The following GPD1 variants were observed in gnomAD, a reference collection of about 807,000 sequenced individuals.
GPD1 encodes the protein glycerol-3-phosphate dehydrogenase 1.
Under a neutral mutation model 34.4 loss-of-function variants are expected in GPD1, and 19 were observed. The ratio of observed to expected loss-of-function variants is 0.55; its 90% confidence interval spans 0.39 to 0.81. GPD1 has a LOEUF of 0.81. Ranked by LOEUF, GPD1 falls within the 30% of genes least tolerant of loss-of-function variation. The pLI is 0.00. For synonymous variants in GPD1, 172 were observed against 174.1 expected (o/e 0.99, Z 0.09); for missense variants, 429 against 447.0 (o/e 0.96, Z 0.36).
At chr12:50,105,813 G>T in intron 3 of GPD1, 125 bp downstream of exon 3, 1 of 988,584 alleles carries the variant, frequency 1.0e-6, no homozygotes. Context: ...AGAAAAGAGA[G>T]GCAGTTGGCT....
At chr12:50,108,495 C>T (rs959329999) in intron 7 of GPD1, among the ~76,000 whole-genome samples, 1 of 152,140 alleles carries the variant, frequency 6.6e-6, no homozygotes, top group Non-Finnish European at 1.5e-5. Context: ...CCCATCTGTT[C>T]CCTGAATCCT....
chr12:50,105,664 C>T lies in GPD1; in HGVS notation c.336C>T (p.Asn112=), dbSNP rs760176358. The T allele has an allele frequency of 4.2e-5, 67 of 1,614,036 alleles. No homozygotes were observed. Among genetic ancestry groups the T allele is most frequent in the South Asian group, 1.9e-4 (17 of 91,084 alleles). ...AGCTCAAGGGCCATCTGAAGGCAAACGCCACTGGCATATCTCTTATTAAGG... is the reference window on the plus strand; with the variant it reads ...AGCTCAAGGGCCATCTGAAGGCAAATGCCACTGGCATATCTCTTATTAAGG... ...CDQLKGHLKA[N]ATGISLIKGV... is the part of the protein sequence containing the mutation. Residue 112 remains asparagine (N), a synonymous_variant, in exon 3 of 8, where the codon AAC becomes AAT. Transcript: ENST00000301149.
intron 7 of GPD1, among the ~76,000 whole-genome samples, chr12:50,109,089 T>G (rs1390248434): frequency 7.0e-6 from 1 of 142,916 alleles, no homozygotes; most frequent in East Asian, 2.0e-4. Flanking sequence ...GAGCCAAGAT[T>G]GCACCACTGC....
chr12:50,106,002 G>A (rs1019328003), intron 3 of GPD1: 34 of 634,400 alleles, frequency 5.4e-5, no homozygotes, highest in Admixed American at 3.9e-4. Context: ...TTGGAGCAGT[G>A]ACTGGTCACT....
intron 1 of GPD1, 42 bp downstream of exon 1, chr12:50,104,133 C>A: frequency 6.3e-7 from 1 of 1,592,568 alleles, no homozygotes; most frequent in South Asian, 1.1e-5. Flanking sequence ...GGGTAGGCCC[C>A]CCAAGACAGA....
chr12:50,105,268 C>T, intron 2 of GPD1: 1 of 423,590 alleles, frequency 2.4e-6, no homozygotes, highest in South Asian at 4.8e-5. Context: ...CTGCTTTTGG[C>T]CTCCCGCACT....
chr12:50,106,877 T>C lies in GPD1; in HGVS notation c.572T>C (p.Val191Ala). Reference sequence around the variant, plus strand: ...ACACCAAACTTCCGTATCACAGTGGTGCAAGAGGTGGACACAGTAGAGATC... The same window carrying C: ...ACACCAAACTTCCGTATCACAGTGGCGCAAGAGGTGGACACAGTAGAGATC... ...MQTPNFRITV[V>A]QEVDTVEICG... The change falls in exon 5 of 8, where the codon GTG (valine) becomes GCG (alanine). Residue 191 changes from valine (V) to alanine (A), a missense_variant. Physicochemically the swap from Val to Ala is moderately conservative, Grantham distance 64. Transcript: ENST00000301149. 1 of 1,613,012 alleles carries C rather than the reference T, an allele frequency of 6.2e-7. No individual in the cohort carries two copies. The highest frequency in any genetic ancestry group is 8.5e-7 in the Non-Finnish European group (1 of 1,178,978).
At chr12:50,104,846 C>A in intron 2 of GPD1, 95 bp downstream of exon 2, 1 of 1,013,930 alleles carries the variant, frequency 9.9e-7, no homozygotes, top group Non-Finnish European at 1.5e-6. Flanking sequence ...CTGAGAGGGC[C>A]GCTTCAGGTG....
intron 2 of GPD1, chr12:50,105,289 C>A: frequency 1.9e-6 from 1 of 514,566 alleles, no homozygotes; most frequent in South Asian, 2.7e-5. Context: ...GTCCCACAGC[C>A]AAGGGATAGG....
chr12:50,107,865 C>T (rs571448980), intron 6 of GPD1, 65 bp downstream of exon 6: 363 of 1,216,290 alleles, frequency 3.0e-4, no homozygotes, highest in Non-Finnish European at 3.9e-4. Context: ...AGGTGCTTGG[C>T]GGGAGGCATC....
chr12:50,111,183 G>C lies in GPD1; in HGVS notation c.*1664G>C, dbSNP rs1951020074. ...TGAGTGTCCAGAGCTGCCTCCCCAG[G>C]AGGTTAAGGTGGGGGCAAAGGGGAA... is the stretch of plus-strand genomic sequence containing the variant. On this transcript the variant is annotated 3_prime_UTR_variant, in exon 8 of 8. Transcript: ENST00000301149. The surrounding 1 kb of genome is among the most constrained non-coding windows in gnomAD (Gnocchi z 4.1). 1 of 152,274 alleles carries C rather than the reference G, an allele frequency of 6.6e-6. No homozygotes were observed. The highest frequency in any genetic ancestry group is 2.4e-5 in the African/African-American group (1 of 41,438). 9.4% of individuals were successfully genotyped at this position (152,274 alleles called of 1,614,324 possible). A position where few individuals can be genotyped will look rare whatever the true frequency, so the allele number is the denominator to read the frequency against.
intron 1 of GPD1, 160 bp from the exon 2 acceptor site, chr12:50,104,414 G>A: frequency 2.8e-6 from 2 of 723,628 alleles, no homozygotes; most frequent in Admixed American, 4.0e-5. Context: ...TCTACTGCCA[G>A]GTCACTGGGG....
Position 50,107,685 on chromosome 12 carries a change from G to C in GPD1, c.731G>C (p.Ser244Thr). The change falls in exon 6 of 8, where the codon AGT becomes ACT. Residue 244 changes from serine to threonine, a missense_variant. Transcript: ENST00000301149. ...EMIAFAKLFC[S>T]GPVSSATFLE... ...ATAGCCTTCGCCAAGCTCTTCTGCA[G>C]TGGCCCTGTGTCCTCTGCCACCTTC... The C allele has an allele frequency of 6.2e-7, 1 of 1,614,036 alleles. No homozygotes were observed. The highest frequency in any genetic ancestry group is 8.5e-7 in the Non-Finnish European group (1 of 1,179,892).
In GPD1 at chr12:50,108,032, G is replaced by T. The variant is rs746535548; in HGVS notation, c.855G>T (p.Glu285Asp). Residue 285 changes from glutamate to aspartate, a missense_variant, in exon 7 of 8, where the codon GAG becomes GAT. Coordinates refer to ENST00000301149, the MANE Select transcript of GPD1 (RefSeq NM_005276.4). Reference protein sequence around the residue: ...EAFARTGKSIEQLEKELLNGQ... With the variant: ...EAFARTGKSIDQLEKELLNGQ... ...TCCTGTTTTCTGCACAGTCCATTGA[G>T]CAGCTGGAGAAAGAGTTGCTGAATG... 1.1e-5 allele frequency: 18 copies of T among 1,607,496 alleles called. No homozygotes were observed. The Admixed American group carries it at 3.0e-4, about 27-fold the overall frequency.
chr12:50,108,506 G>A (rs958698574), intron 7 of GPD1, among the ~76,000 whole-genome samples: 2 of 152,126 alleles, frequency 1.3e-5, no homozygotes, highest in African/African-American at 4.8e-5. Flanking sequence ...CCTGAATCCT[G>A]TTCTGGGTGC....
In GPD1 at chr12:50,109,919, G is replaced by A; in HGVS notation, c.*400G>A. On this transcript the variant is annotated 3_prime_UTR_variant, in exon 8 of 8. Coordinates refer to ENST00000301149, the MANE Select transcript of GPD1 (RefSeq NM_005276.4). Reference sequence around the variant, plus strand: ...CATACACCAGTAATCCTGTTAAAGGGCTGAAGAAGTATCTTAGCCACAGGA... The same window carrying A: ...CATACACCAGTAATCCTGTTAAAGGACTGAAGAAGTATCTTAGCCACAGGA... 5.5e-6 allele frequency: 1 copy of A among 181,664 alleles called. No individual in the cohort carries two copies. Among genetic ancestry groups the A allele is most frequent in the East Asian group, 1.5e-4 (1 of 6,786 alleles). The allele number at this position is 181,664 out of a possible 1,614,324, so 11.3% of individuals were successfully genotyped here.
intron 2 of GPD1, chr12:50,105,028 T>G (rs1235191126): frequency 2.1e-6 from 1 of 473,442 alleles, no homozygotes; most frequent in Non-Finnish European, 3.8e-6. Context: ...TGGGGTCCAG[T>G]AGTGCCTGCC....
rs1285131647 is a variant in GPD1, at chr12:50,110,239, G to C, written c.*720G>C. On this transcript the variant is annotated 3_prime_UTR_variant, in exon 8 of 8. Coordinates refer to ENST00000301149, the MANE Select transcript of GPD1 (RefSeq NM_005276.4). ...TGACATTCTCCCCAGGGACTTCCCG[G>C]TTCCTAGTTCTTTGCCAGCTCCTCC... The C allele has an allele frequency of 1.3e-5, 2 of 152,650 alleles. No individual in the cohort carries two copies. The highest frequency in any genetic ancestry group is 2.9e-5 in the Non-Finnish European group (2 of 68,084). 9.5% of individuals were successfully genotyped at this position (152,650 alleles called of 1,614,324 possible).
rs376214632 is a variant in GPD1, at chr12:50,107,809, C to T, written c.846+9C>T. 7.0e-5 allele frequency: 112 copies of T among 1,592,672 alleles called. No individual in the cohort carries two copies. Among genetic ancestry groups the T allele is most frequent in the South Asian group, 5.6e-4 (51 of 90,674 alleles). The stretch of plus-strand genomic sequence containing the variant: ...TTGCGCGTACAGGAAAGGTGGGCCC[C>T]GGGAGAAGGGAGAACAGAGGGGCGG... On this transcript the variant is annotated intron_variant, in intron 6 of 7. Coordinates refer to ENST00000301149, the MANE Select transcript of GPD1 (RefSeq NM_005276.4).
Sources: allele counts gnomAD v4.1 joint callset (sites outside exome capture counted in the v4.1 genomes callset), GRCh38; gene constraint gnomAD v4.1.1; non-coding constraint Gnocchi (gnomAD v3.1); transcripts MANE v1.5; gene names NCBI Gene and HGNC (gene_info 2026-07-23, HGNC 2026-07-21).